The following SMG6 variants were observed in gnomAD, a reference collection of about 807,000 sequenced individuals.
The protein encoded by SMG6 is telomerase-binding protein EST1A.
Under a neutral mutation model 142.2 loss-of-function variants are expected in SMG6, and 66 were observed. The observed-to-expected ratio is 0.46, with a 90% confidence interval of 0.38 to 0.57. The LOEUF (loss-of-function observed/expected upper bound fraction) is 0.57. Ranked by LOEUF, SMG6 falls within the 20% of genes least tolerant of loss-of-function variation. The probability of loss-of-function intolerance (pLI) is 0.00; values close to 1 mark genes in which losing one functional copy is unlikely to be tolerated. For synonymous variants in SMG6, 779 were observed against 702.4 expected (o/e 1.11, Z -1.72); for missense variants, 1,793 against 1,832.0 (o/e 0.98, Z 0.39).
intron 12 of SMG6, chr17:2,173,115 T>A: frequency 2.0e-6 from 1 of 491,930 alleles, no homozygotes; most frequent in South Asian, 2.2e-5. Context: ...GAAAAAGAAT[T>A]TGGAGACTCA....
chr17:2,289,480 C>T (rs1046433726), intron 6 of SMG6, among the ~76,000 whole-genome samples: 3 of 151,958 alleles, frequency 2.0e-5, no homozygotes, highest in South Asian at 4.1e-4. Context: ...TCACTTGAGC[C>T]CAGGAGGTCG....
At chr17:2,065,287 T>A in intron 17 of SMG6, 133 bp from the exon 18 acceptor site, 1 of 987,526 alleles carries the variant, frequency 1.0e-6, no homozygotes, top group Non-Finnish European at 1.6e-6. Context: ...GCGCTGGCCC[T>A]GCCTGGCCTG....
intron 10 of SMG6, among the ~76,000 whole-genome samples, chr17:2,201,761 T>C (rs2072531115): frequency 6.6e-6 from 1 of 151,774 alleles, no homozygotes; most frequent in Non-Finnish European, 1.5e-5. Context: ...CGGTGGCTCA[T>C]GGCTGTAATC....
At chr17:2,270,192 C>T (rs1410373882) in intron 8 of SMG6, among the ~76,000 whole-genome samples, 1 of 151,898 alleles carries the variant, frequency 6.6e-6, no homozygotes, top group African/African-American at 2.4e-5. Context: ...GAAGGATCTC[C>T]GAAGTCCAGT....
intron 10 of SMG6, among the ~76,000 whole-genome samples, chr17:2,226,005 A>C (rs932552602): frequency 1.3e-5 from 2 of 152,168 alleles, no homozygotes; most frequent in Admixed American, 6.5e-5. Flanking sequence ...AAAGACAAAC[A>C]ACTTGATAAA....
At chr17:2,064,603 A>G (rs1444487657) in intron 18 of SMG6, among the ~76,000 whole-genome samples, 3 of 152,140 alleles carry the variant, frequency 2.0e-5, no homozygotes, top group Non-Finnish European at 4.4e-5. Context: ...GAAATAGGGT[A>G]AACACTCAGG....
chr17:2,133,782 A>G (rs1008282031), intron 13 of SMG6, among the ~76,000 whole-genome samples: 1 of 152,200 alleles, frequency 6.6e-6, no homozygotes, highest in African/African-American at 2.4e-5. Context: ...GTGACTCTTG[A>G]GATGTAAATA....
Position 2,130,266 on chromosome 17 carries a change from C to CAAAAAAAAAAAAAAAA in SMG6, c.3357+42376_3357+42391dup, listed in dbSNP as rs903007543. Among the ~76,000 whole-genome samples the CAAAAAAAAAAAAAAAA allele has an allele frequency of 4.8e-4, 19 of 39,460 alleles. 1 individual carries two copies. The highest frequency in any genetic ancestry group is 1.9e-3 in the African/African-American group (12 of 6,384). 25.9% of individuals were successfully genotyped at this position (39,460 alleles called of 152,430 possible). A position where few individuals can be genotyped will look rare whatever the true frequency, so the allele number is the denominator to read the frequency against. On this transcript the variant is annotated intron_variant, in intron 13 of 18. Transcript: ENST00000263073. ...TGGGCGACAGAGCGAGACTCCGTCTCAAAAAAAAAAAAAAAAAAGAAACAG... is the reference window on the plus strand; with the variant it reads ...TGGGCGACAGAGCGAGACTCCGTCTCAAAAAAAAAAAAAAAAAAAAAAAAAAAAAAAAAAGAAACAG...
intron 10 of SMG6, among the ~76,000 whole-genome samples, chr17:2,189,694 A>C (rs1216997340): frequency 6.6e-6 from 1 of 152,136 alleles, no homozygotes; most frequent in African/African-American, 2.4e-5. Context: ...TTACTCCAGG[A>C]GACAATACCC....
intron 13 of SMG6, chr17:2,094,765 A>G (rs1441101595): frequency 6.6e-6 from 1 of 152,154 alleles, no homozygotes; most frequent in Non-Finnish European, 1.5e-5. Flanking sequence ...AAGATCCCCA[A>G]TATGGTATTT....
chr17:2,194,762 A>AG (rs1222688677), intron 10 of SMG6, among the ~76,000 whole-genome samples: 1 of 151,854 alleles, frequency 6.6e-6, no homozygotes, highest in Non-Finnish European at 1.5e-5. Context: ...AATGCTGTTG[A>AG]GGGGGTACGT....
At chr17:2,125,420 C>T (rs2069841059) in intron 13 of SMG6, among the ~76,000 whole-genome samples, 1 of 152,196 alleles carries the variant, frequency 6.6e-6, no homozygotes, top group African/African-American at 2.4e-5. Flanking sequence ...TTCTCTTGGG[C>T]TTGCTGGCCA....
intron 10 of SMG6, chr17:2,215,623 G>A (rs1283416120): frequency 6.6e-6 from 1 of 152,140 alleles, no homozygotes; most frequent in Non-Finnish European, 1.5e-5. Flanking sequence ...AGCCGCAGCA[G>A]GGTGATCAGC....
At chr17:2,074,089 A>G (rs919171929) in intron 15 of SMG6, among the ~76,000 whole-genome samples, 10 of 151,850 alleles carry the variant, frequency 6.6e-5, no homozygotes, top group African/African-American at 2.4e-4. Context: ...ATCTCAAAAA[A>G]AGAGAGAGAG....
chr17:2,099,222 G>A (rs1321846026), intron 13 of SMG6, among the ~76,000 whole-genome samples: 1 of 151,964 alleles, frequency 6.6e-6, no homozygotes, highest in African/African-American at 2.4e-5. Context: ...CATGCTCCCC[G>A]AAGCTGTGCA....
intron 13 of SMG6, among the ~76,000 whole-genome samples, chr17:2,106,986 G>T (rs565138667): frequency 1.3e-5 from 2 of 152,138 alleles, no homozygotes; most frequent in Non-Finnish European, 2.9e-5. Context: ...ACCACGCCTG[G>T]CTGAGTTTTG....
At chr17:2,120,355 A>G (rs989157787) in intron 13 of SMG6, among the ~76,000 whole-genome samples, 4 of 152,174 alleles carry the variant, frequency 2.6e-5, no homozygotes, top group African/African-American at 9.7e-5. Context: ...CAAGAAAATA[A>G]CTCAAGAAAA....
At chr17:2,237,535 G>A in intron 9 of SMG6, 1 of 985,434 alleles carries the variant, frequency 1.0e-6, no homozygotes, top group African/African-American at 1.7e-5. Flanking sequence ...TTCGTGTGTT[G>A]CCGTCCTCCT....
At position 2,085,951 on chromosome 17, in the gene SMG6, A is replaced by C; in HGVS notation, c.3358-50T>G. On this transcript the variant is annotated intron_variant, in intron 13 of 18. Transcript: ENST00000263073. This position sits in a 1 kb window ranked among gnomAD's most constrained non-coding sequence, Gnocchi z 4.1. Reference sequence around the variant, plus strand: ...AAAACAGCATTTTCTGAAAGGGAAGATGGAGACGAGATGTTGCTTGCCGGC... The same window carrying C: ...AAAACAGCATTTTCTGAAAGGGAAGCTGGAGACGAGATGTTGCTTGCCGGC... The C allele has an allele frequency of 6.3e-7, 1 of 1,582,482 alleles. No individual in the cohort carries two copies. Among genetic ancestry groups the C allele is most frequent in the Non-Finnish European group, 8.7e-7 (1 of 1,152,778 alleles).
Sources: allele counts gnomAD v4.1 joint callset (sites outside exome capture counted in the v4.1 genomes callset), GRCh38; gene constraint gnomAD v4.1.1; non-coding constraint Gnocchi (gnomAD v3.1); transcripts MANE v1.5; gene names NCBI Gene and HGNC (gene_info 2026-07-23, HGNC 2026-07-21).